SSH2: variants seen among roughly 807,000 people sequenced by gnomAD.
SSH2 encodes slingshot protein phosphatase 2, also known as protein phosphatase Slingshot homolog 2.
In SSH2, 37 loss-of-function variants were observed where a neutral mutation model predicts 135.2. The ratio of observed to expected loss-of-function variants is 0.27; its 90% CI spans 0.21 to 0.36. The LOEUF (loss-of-function observed/expected upper bound fraction) is 0.36. Among genes scored for constraint, SSH2 ranks in the 10% least tolerant of loss-of-function variants. The probability of loss-of-function intolerance (pLI) is 1.00; values close to 1 mark genes in which losing one functional copy is unlikely to be tolerated. For missense variants in SSH2, 1,408 were observed against 1,765.3 expected (o/e 0.80, Z 3.63); for synonymous variants, 628 against 646.2 (o/e 0.97, Z 0.43).
chr17:29,651,497 A>G (rs907991933), intron 12 of SSH2, among the ~76,000 whole-genome samples: 1 of 152,248 alleles, frequency 6.6e-6, no homozygotes, highest in Non-Finnish European at 1.5e-5. Flanking sequence ...ACAGTCTTCT[A>G]TTATCTTTCT....
At chr17:29,796,633 G>T (rs895180043) in intron 2 of SSH2, among the ~76,000 whole-genome samples, 2 of 152,096 alleles carry the variant, frequency 1.3e-5, no homozygotes, top group African/African-American at 4.8e-5. Flanking sequence ...GAGCCACCAT[G>T]CCTAGCCAAT....
chr17:29,825,178 A>G (rs1170640438), intron 2 of SSH2, among the ~76,000 whole-genome samples: 1 of 152,194 alleles, frequency 6.6e-6, no homozygotes, highest in African/African-American at 2.4e-5. Context: ...TGACAAATAC[A>G]TTATATACCA....
At chr17:29,913,181 G>A (rs1029017921) in intron 1 of SSH2, among the ~76,000 whole-genome samples, 9 of 149,156 alleles carry the variant, frequency 6.0e-5, no homozygotes, top group Non-Finnish European at 4.5e-5. Context: ...AGCCGGGTGT[G>A]GTGGCACACA....
chr17:29,828,145 T>C (rs1445106129), intron 2 of SSH2, among the ~76,000 whole-genome samples: 1 of 152,210 alleles, frequency 6.6e-6, no homozygotes, highest in Non-Finnish European at 1.5e-5. Flanking sequence ...TTATTGATCA[T>C]CTGTGAACCC....
At chr17:29,863,407 A>G (rs1172517991) in intron 1 of SSH2, 1 of 152,218 alleles carries the variant, frequency 6.6e-6, no homozygotes. Flanking sequence ...ACAGTCATAC[A>G]TCTTAATACT....
At chr17:29,827,152 ACTT>A (rs751829800) in intron 2 of SSH2, among the ~76,000 whole-genome samples, 42 of 152,292 alleles carry the variant, frequency 2.8e-4, no homozygotes, top group African/African-American at 9.1e-4. Context: ...CTGGGACAAA[ACTT>A]CTTTAACTTA....
At chr17:29,848,827 A>T in intron 2 of SSH2, 22 bp downstream of exon 2, 1 of 1,467,206 alleles carries the variant, frequency 6.8e-7, no homozygotes, top group Non-Finnish European at 9.2e-7. Context: ...CAAAGTCTGT[A>T]TAAAAACATA....
At chr17:29,831,156 CGGG>C in intron 2 of SSH2, among the ~76,000 whole-genome samples, 1 of 152,174 alleles carries the variant, frequency 6.6e-6, no homozygotes, top group African/African-American at 2.4e-5. Context: ...CTAGCAGACC[CGGG>C]TGAGGGTCTG....
rs199667046 is a variant in SSH2 at position 29,763,384 on chromosome 17, T to TA, written c.188+30509dup. On this transcript the variant is annotated intron_variant, in intron 3 of 15. Transcript: ENST00000540801. ...GTCAGCAGCCACCCAAATGGTAGTG[T>TA]AAAAAAAAATCTGCTGATACACCCC... is the stretch of plus-strand genomic sequence containing the variant. Among the ~76,000 whole-genome samples the TA allele has an allele frequency of 1.0e-3, 151 of 150,874 alleles. 1 individual carries two copies. The East Asian group carries it at 0.024, about 23-fold the overall frequency.
At chr17:29,862,153 G>A (rs184585592) in intron 1 of SSH2, among the ~76,000 whole-genome samples, 1 of 152,294 alleles carries the variant, frequency 6.6e-6, no homozygotes. Flanking sequence ...GATACAATCT[G>A]TGGTTACTGA....
At chr17:29,813,818 C>CA (rs370733773) in intron 2 of SSH2, among the ~76,000 whole-genome samples, 668 of 142,598 alleles carry the variant, frequency 4.7e-3, no homozygotes, top group Non-Finnish European at 5.3e-3. Context: ...GACTTCATCT[C>CA]AAAAAAAAAA....
chr17:29,901,171 C>T (rs1369546918), intron 1 of SSH2, among the ~76,000 whole-genome samples: 1 of 152,004 alleles, frequency 6.6e-6, no homozygotes, highest in Non-Finnish European at 1.5e-5. Flanking sequence ...GGAGATATAC[C>T]TAATGTAAAT....
At chr17:29,694,842 G>C (rs181357225) in intron 5 of SSH2, among the ~76,000 whole-genome samples, 160 of 152,228 alleles carry the variant, frequency 1.1e-3, no homozygotes, top group Middle Eastern at 3.4e-3. Context: ...TGCCTGCCTT[G>C]TTTTCTAGTC....
At chr17:29,721,966 T>C (rs1011938423) in intron 3 of SSH2, among the ~76,000 whole-genome samples, 8 of 152,070 alleles carry the variant, frequency 5.3e-5, no homozygotes. Flanking sequence ...GGCAGGGTAA[T>C]GTTTCTTGAA....
chr17:29,700,363 T>C (rs2038925481), intron 4 of SSH2, among the ~76,000 whole-genome samples: 1 of 152,186 alleles, frequency 6.6e-6, no homozygotes, highest in Admixed American at 6.5e-5. Flanking sequence ...AGCATTAGGT[T>C]ATCTTCTTAA....
intron 2 of SSH2, among the ~76,000 whole-genome samples, chr17:29,835,782 T>G (rs967950952): frequency 8.6e-5 from 13 of 151,870 alleles, no homozygotes; most frequent in Non-Finnish European, 1.9e-4. Flanking sequence ...CCTCCTGGGC[T>G]CTCCTTAAAG....
intron 14 of SSH2, among the ~76,000 whole-genome samples, chr17:29,646,627 A>G (rs2036380103): frequency 6.6e-6 from 1 of 151,818 alleles, no homozygotes; most frequent in Non-Finnish European, 1.5e-5. Flanking sequence ...AGCCTCCCGA[A>G]TAGCTGGGAC....
chr17:29,855,124 C>T (rs77003949), intron 1 of SSH2, among the ~76,000 whole-genome samples: 9,480 of 152,166 alleles, frequency 0.062, 554 homozygotes, highest in African/African-American at 0.16. Flanking sequence ...TTCATCCTCT[C>T]CTCTTTTTTT....
rs2035732044 is a variant in SSH2, at chr17:29,632,586, G to T, written c.2608C>A (p.Pro870Thr). Reference sequence around the variant, plus strand: ...TGGAGCTCTTGTTCCCCCTCAGCTGGTTCCCCTTCTTCCAAGTCTGCTATA... The same window carrying T: ...TGGAGCTCTTGTTCCCCCTCAGCTGTTTCCCCTTCTTCCAAGTCTGCTATA... ...SSIADLEEGE[P>T]AEGEQELQGS... The change falls in exon 16 of 16, where the codon CCA becomes ACA. Residue 870 changes from proline to threonine, a missense_variant. By Grantham distance (38) the Pro-to-Thr change is conservative. This residue lies in a region of SSH2 where 1,080 missense variants were observed against 1,144.5 expected (regional missense o/e 0.94). Transcript: ENST00000540801. The T allele has an allele frequency of 6.2e-7, 1 of 1,614,014 alleles. No individual in the cohort carries two copies. Among genetic ancestry groups the T allele is most frequent in the African/African-American group, 1.3e-5 (1 of 74,900 alleles).
Sources: allele counts gnomAD v4.1 joint callset (sites outside exome capture counted in the v4.1 genomes callset), GRCh38; gene constraint gnomAD v4.1.1; regional missense constraint gnomAD v4.1.1; transcripts MANE v1.5; gene names NCBI Gene and HGNC (gene_info 2026-07-23, HGNC 2026-07-21).